Variants in NFATC2 observed in about 807,000 individuals in gnomAD.
The protein encoded by NFATC2 is nuclear factor of activated T-cells, cytoplasmic 2.
NFATC2 carries 22 observed loss-of-function variants against 87.3 expected under a neutral mutation model. The observed-to-expected ratio is 0.25, with a 90% CI of 0.18 to 0.36. The LOEUF is 0.36. NFATC2 is among the 10% of genes least tolerant of loss of function. The pLI is 1.00. For synonymous variants in NFATC2, 565 were observed against 542.2 expected, an observed-to-expected ratio of 1.04 and a Z score of -0.58; for missense variants, 1,149 against 1,259.1, an observed-to-expected ratio of 0.91 and a Z score of 1.32.
chr20:51,450,056 T>G (rs1458827151), intron 6 of NFATC2, among the ~76,000 whole-genome samples: 1 of 152,254 alleles, frequency 6.6e-6, no homozygotes, highest in Non-Finnish European at 1.5e-5. Context: ...GCATGTTCAA[T>G]GTTCTGAGCC....
chr20:51,503,486 A>G (rs1340559235), intron 3 of NFATC2, among the ~76,000 whole-genome samples: 1 of 152,192 alleles, frequency 6.6e-6, no homozygotes, highest in Admixed American at 6.5e-5. Flanking sequence ...TCCCATGACC[A>G]TCTCAATGTA....
intron 9 of NFATC2, among the ~76,000 whole-genome samples, chr20:51,410,694 A>G (rs1348712929): frequency 2.0e-5 from 3 of 152,100 alleles, no homozygotes; most frequent in Non-Finnish European, 4.4e-5. Flanking sequence ...TGCACCCACC[A>G]TACAAGAGCT....
chr20:51,393,517 T>C (rs1986621986), intron 10 of NFATC2, among the ~76,000 whole-genome samples: 1 of 152,196 alleles, frequency 6.6e-6, no homozygotes, highest in South Asian at 2.1e-4. Context: ...TTCATATATT[T>C]AGCTAACCAG....
chr20:51,422,006 G>A (rs1046676230), intron 9 of NFATC2, among the ~76,000 whole-genome samples: 12 of 152,288 alleles, frequency 7.9e-5, no homozygotes, highest in East Asian at 3.9e-4. Context: ...TTTCAAAGGC[G>A]TCCTCCACGT....
At position 51,492,656 on chromosome 20, in the gene NFATC2, C is replaced by T. The variant is rs549591844; in HGVS notation, c.1333-16996G>A. Among the ~76,000 whole-genome samples, 9 of 152,354 alleles carry T rather than the reference C, an allele frequency of 5.9e-5. 1 individual carries two copies. In the East Asian group the frequency reaches 1.7e-3, roughly 29 times the overall value. On this transcript the variant is annotated intron_variant, in intron 3 of 10. Transcript: ENST00000371564. ...CACCCGCCCGGGCCCGCTCCCACTC[C>T]CACTGGCTAATGGGCTCCCCGCTCC...
chr20:51,561,478 AG>A (rs1179001375), intron 1 of NFATC2, among the ~76,000 whole-genome samples: 2 of 127,696 alleles, frequency 1.6e-5, no homozygotes, highest in East Asian at 4.7e-4. Flanking sequence ...AAAGAAAGAA[AG>A]AAAGAAAGCA....
intron 3 of NFATC2, among the ~76,000 whole-genome samples, chr20:51,508,872 T>A (rs1471801325): frequency 9.3e-5 from 14 of 150,582 alleles, no homozygotes; most frequent in Admixed American, 9.3e-4. Flanking sequence ...CACCATCCCC[T>A]CTGGCCTGGG....
chr20:51,454,119 G>A (rs189294054), intron 6 of NFATC2, among the ~76,000 whole-genome samples: 36 of 152,184 alleles, frequency 2.4e-4, no homozygotes, highest in African/African-American at 8.4e-4. Context: ...AAATTTTAAC[G>A]GATAGGTAAT....
chr20:51,467,823 C>T (rs1987837221), intron 5 of NFATC2, among the ~76,000 whole-genome samples: 1 of 152,118 alleles, frequency 6.6e-6, no homozygotes, highest in Non-Finnish European at 1.5e-5. Context: ...GTCATTTACC[C>T]AAGAGAAATG....
chr20:51,520,922 G>C (rs1166383214), intron 2 of NFATC2, among the ~76,000 whole-genome samples: 1 of 152,134 alleles, frequency 6.6e-6, no homozygotes, highest in Non-Finnish European at 1.5e-5. Flanking sequence ...GCCTTCCAAA[G>C]TGCTGGGATT....
intron 3 of NFATC2, among the ~76,000 whole-genome samples, chr20:51,479,697 G>T (rs1451365370): frequency 1.3e-5 from 2 of 152,158 alleles, no homozygotes; most frequent in Admixed American, 1.3e-4. Flanking sequence ...CACACTTGAT[G>T]TTTTACACAT....
At position 51,432,644 on chromosome 20, in the gene NFATC2, G is replaced by A. The variant is rs758351007; in HGVS notation, c.2145C>T (p.Ala715=). Residue 715 remains alanine, a synonymous_variant, in exon 9 of 11, where the codon GCC becomes GCT. Coordinates refer to ENST00000371564, the MANE Select transcript of NFATC2 (RefSeq NM_012340.5). This position sits in a 1 kb window ranked among gnomAD's most constrained non-coding sequence, Gnocchi z 4.6. ...QPYYPQHPMV[A]ESPSCLVATM... The stretch of plus-strand genomic sequence containing the variant: ...TGGCCACGAGGCAGGAGGGGGACTC[G>A]GCCACCATCGGGTGCTGGGGGTAGT... 55 of 1,540,416 alleles carry A rather than the reference G, an allele frequency of 3.6e-5. No individual in the cohort carries two copies. The highest frequency in any genetic ancestry group is 1.1e-4 in the East Asian group (5 of 44,172).
chr20:51,543,584 G>T (rs1354701121), upstream of NFATC2, among the ~76,000 whole-genome samples: 1 of 152,208 alleles, frequency 6.6e-6, no homozygotes, highest in Admixed American at 6.5e-5. Flanking sequence ...AGAACGAGGA[G>T]TACAGTTCTG....
intron 5 of NFATC2, among the ~76,000 whole-genome samples, chr20:51,458,408 G>A (rs976628137): frequency 6.6e-6 from 1 of 152,016 alleles, no homozygotes; most frequent in Non-Finnish European, 1.5e-5. Flanking sequence ...GGGAAGAGGG[G>A]TGCAAAATCA....
At chr20:51,436,507 G>A (rs1040634157) in intron 6 of NFATC2, among the ~76,000 whole-genome samples, 2 of 151,334 alleles carry the variant, frequency 1.3e-5, no homozygotes, top group Admixed American at 6.6e-5. Flanking sequence ...CTAGGAGTTC[G>A]AGACCAGCCT....
chr20:51,556,114 C>T (rs993473960), intron 1 of NFATC2, among the ~76,000 whole-genome samples: 12 of 152,166 alleles, frequency 7.9e-5, no homozygotes, highest in African/African-American at 1.2e-4. Flanking sequence ...ATGGGAGTGA[C>T]ACAGCCACAG....
intron 6 of NFATC2, among the ~76,000 whole-genome samples, chr20:51,450,251 G>C (rs1169504339): frequency 6.6e-6 from 1 of 152,206 alleles, no homozygotes; most frequent in Non-Finnish European, 1.5e-5. Context: ...TCAGAGCTGT[G>C]CTGGTGACCG....
intron 1 of NFATC2, among the ~76,000 whole-genome samples, chr20:51,556,401 A>G (rs6063670): frequency 0.83 from 126,212 of 152,138 alleles, 53,124 homozygotes; most frequent in Middle Eastern, 0.94. Flanking sequence ...AACCGTAACA[A>G]TGGCCTTTAG....
intron 1 of NFATC2, among the ~76,000 whole-genome samples, chr20:51,539,138 T>C (rs1009160894): frequency 6.6e-6 from 1 of 152,286 alleles, no homozygotes; most frequent in Non-Finnish European, 1.5e-5. Flanking sequence ...GTCTGCTACA[T>C]GCTAAACTCC....
Sources: allele counts gnomAD v4.1 joint callset (sites outside exome capture counted in the v4.1 genomes callset), GRCh38; gene constraint gnomAD v4.1.1; non-coding constraint Gnocchi (gnomAD v3.1); transcripts MANE v1.5; gene names NCBI Gene and HGNC (gene_info 2026-07-23, HGNC 2026-07-21).